HMGCS1: variants seen among roughly 807,000 people sequenced by gnomAD.
HMGCS1 encodes the protein hydroxymethylglutaryl-CoA synthase, cytoplasmic.
HMGCS1 carries 9 observed loss-of-function variants against 52.3 expected under a neutral mutation model. The observed-to-expected ratio is 0.17, with a 90% CI of 0.10 to 0.30. The LOEUF (loss-of-function observed/expected upper bound fraction) is 0.30, where lower values mean the gene tolerates loss of function less well. Ranked by LOEUF, HMGCS1 falls within the 10% of genes least tolerant of loss-of-function variation. The pLI is 1.00. For missense variants in HMGCS1, 320 were observed against 620.9 expected, an observed-to-expected ratio of 0.52 and a Z score of 5.15; for synonymous variants, 176 against 214.4, an observed-to-expected ratio of 0.82 and a Z score of 1.57.
At position 43,289,358 on chromosome 5, in the gene HMGCS1, T is replaced by C. The variant is rs957211062; in HGVS notation, c.*1773A>G. On this transcript the variant is annotated 3_prime_UTR_variant, in exon 11 of 11. Transcript: ENST00000325110. ...AATATTAGCTGATTTCTTGCCGAAG[T>C]TGTTAGTTCAAGAGTGAAAAAGAAT... The C allele has an allele frequency of 1.3e-5, 2 of 152,670 alleles. No homozygotes were observed. The highest frequency in any genetic ancestry group is 4.8e-5 in the African/African-American group (2 of 41,468). 9.5% of individuals were successfully genotyped at this position (152,670 alleles called of 1,614,324 possible).
In HMGCS1 at chr5:43,294,816, C is replaced by T. The variant is rs764183924; in HGVS notation, c.951G>A (p.Lys317=). The change falls in exon 7 of 11, where the codon AAG becomes AAA. Residue 317 remains lysine, a synonymous_variant. Coordinates refer to ENST00000325110, the MANE Select transcript of HMGCS1 (RefSeq NM_001098272.3). The part of the protein sequence containing the change: ...EDTYFDRDVE[K]AFMKASSELF... The stretch of plus-strand genomic sequence containing the variant: ...GTTCAGAGCTAGCCTTCATAAATGC[C>T]TTCTCCACATCTCTATCAAAGTAGG... The T allele has an allele frequency of 6.2e-7, 1 of 1,611,848 alleles. No individual in the cohort carries two copies. Among genetic ancestry groups the T allele is most frequent in the South Asian group, 1.1e-5 (1 of 90,962 alleles).
In HMGCS1 at chr5:43,288,518, G is replaced by A. The variant is rs1753594237; in HGVS notation, c.*2613C>T. On this transcript the variant is annotated 3_prime_UTR_variant, in exon 11 of 11. Coordinates refer to ENST00000325110, the MANE Select transcript of HMGCS1 (RefSeq NM_001098272.3). ...TGTCACAAGAGGACAGAAAGTGGCT[G>A]TTTGCATCTGTTTGGGTCTAGTGTC... is the stretch of plus-strand genomic sequence containing the variant. The A allele has an allele frequency of 1.3e-5, 2 of 152,102 alleles. No individual in the cohort carries two copies. Among genetic ancestry groups the A allele is most frequent in the African/African-American group, 4.8e-5 (2 of 41,408 alleles). The allele number at this position is 152,102 out of a possible 1,614,324, so 9.4% of individuals were successfully genotyped here.
At chr5:43,305,251 G>A (rs1754509747) in intron 2 of HMGCS1, among the ~76,000 whole-genome samples, 1 of 152,262 alleles carries the variant, frequency 6.6e-6, no homozygotes, top group Non-Finnish European at 1.5e-5. Flanking sequence ...CTCCCGAAGT[G>A]CTGGGATTAC....
intron 10 of HMGCS1, 45 bp from the exon 11 acceptor site, chr5:43,291,265 C>T (rs546242858): frequency 8.5e-7 from 1 of 1,171,284 alleles, no homozygotes; most frequent in African/African-American, 1.5e-5. Flanking sequence ...GATTCTTTCC[C>T]CCACAAGAAT....
At position 43,298,660 on chromosome 5, in the gene HMGCS1, CTT is replaced by C; in HGVS notation, c.304_305del (p.Lys102ValfsTer5). Reference sequence around the variant, plus strand: ...GCTGCATCAAATTAGTCTTCACAGACTTTGATTTGTCGATGATTGTCTCTGTT... The same window carrying C: ...GCTGCATCAAATTAGTCTTCACAGACTGATTTGTCGATGATTGTCTCTGTT... ...VGTETIIDKSKSVKTNLMQLF... is the reference protein window; with the variant it reads ...VGTETIIDKSXSVKTNLMQLF... On this transcript the variant is annotated frameshift_variant, in exon 3 of 11. Transcript: ENST00000325110. LOFTEE classifies it high-confidence loss of function. The surrounding 1 kb of genome is among the most constrained non-coding windows in gnomAD (Gnocchi z 5.6). 1 of 1,614,212 alleles carries C rather than the reference CTT, an allele frequency of 6.2e-7. No individual in the cohort carries two copies. The highest frequency in any genetic ancestry group is 8.5e-7 in the Non-Finnish European group (1 of 1,180,038).
chr5:43,312,821 T>C (rs923224354), intron 1 of HMGCS1, among the ~76,000 whole-genome samples: 2 of 152,194 alleles, frequency 1.3e-5, no homozygotes, highest in Non-Finnish European at 2.9e-5. Context: ...GCACCTGAGC[T>C]GAGGAAGAAA....
intron 8 of HMGCS1, 152 bp downstream of exon 8, chr5:43,293,904 G>C: frequency 1.8e-6 from 1 of 551,254 alleles, no homozygotes; most frequent in Admixed American, 3.0e-5. Context: ...AGTAGAGATG[G>C]GGTTTCAGCC....
intron 1 of HMGCS1, among the ~76,000 whole-genome samples, chr5:43,308,090 C>CA (rs1376277588): frequency 6.6e-6 from 1 of 151,812 alleles, no homozygotes; most frequent in African/African-American, 2.4e-5. Flanking sequence ...AAGGAATAAA[C>CA]AAAAAAACCT....
At chr5:43,304,659 CAT>C (rs1237446701) in intron 2 of HMGCS1, among the ~76,000 whole-genome samples, 3 of 152,148 alleles carry the variant, frequency 2.0e-5, no homozygotes, top group African/African-American at 7.2e-5. Context: ...AAATACATGA[CAT>C]GTTTCATTTG....
At chr5:43,307,117 C>A (rs1754617648) in intron 2 of HMGCS1, among the ~76,000 whole-genome samples, 1 of 143,878 alleles carries the variant, frequency 7.0e-6, no homozygotes. Flanking sequence ...GTTGCCCAGG[C>A]TGGAGTGCAG....
chr5:43,291,594 A>AGTAGTTTCAAGGTTATAAAGTCC, intron 10 of HMGCS1, among the ~76,000 whole-genome samples: 1 of 152,342 alleles, frequency 6.6e-6, no homozygotes, highest in Non-Finnish European at 1.5e-5. Flanking sequence ...CAGATAAATA[A>AGTAGTTTCAAGGTTATAAAGTCC]GTAGTTTCAA....
In HMGCS1 at chr5:43,295,883, A is replaced by G. The variant is rs146407795; in HGVS notation, c.774T>C (p.Phe258=). Residue 258 remains phenylalanine (F), a synonymous_variant, in exon 6 of 11, where the codon TTT becomes TTC. Transcript: ENST00000325110. ...GNDKDFTLND[F]GFMIFHSPYC... is the part of the protein sequence containing the mutation. The stretch of plus-strand genomic sequence containing the variant: ...ATGGTGAGTGAAAGATCATGAAGCC[A>G]AAATCATTCAAGGTAAAATCTTTAT... 1 of 1,612,602 alleles carries G rather than the reference A, an allele frequency of 6.2e-7. No individual in the cohort carries two copies. Among genetic ancestry groups the G allele is most frequent in the African/African-American group, 1.3e-5 (1 of 74,898 alleles).
chr5:43,306,003 T>C (rs1403642842), intron 2 of HMGCS1, among the ~76,000 whole-genome samples: 1 of 152,180 alleles, frequency 6.6e-6, no homozygotes, highest in Non-Finnish European at 1.5e-5. Context: ...ACACATTTTC[T>C]TTTTAAATTC....
At position 43,293,999 on chromosome 5, in the gene HMGCS1, G is replaced by A; in HGVS notation, c.1183+57C>T. The A allele has an allele frequency of 4.4e-6, 5 of 1,138,948 alleles. No individual in the cohort carries two copies. The South Asian group carries it at 6.2e-5, about 14-fold the overall frequency. The allele number at this position is 1,138,948 out of a possible 1,614,324, so 70.6% of individuals were successfully genotyped here. ...CAAACTGCTGGGATTACGGGTGTGA[G>A]CCACTGTGCCTGGACTCAGTTCTCA... is the stretch of plus-strand genomic sequence containing the variant. On this transcript the variant is annotated intron_variant, in intron 8 of 10. Coordinates refer to ENST00000325110, the MANE Select transcript of HMGCS1 (RefSeq NM_001098272.3).
intron 1 of HMGCS1, among the ~76,000 whole-genome samples, chr5:43,308,523 T>C (rs1306810124): frequency 6.6e-6 from 1 of 152,216 alleles, no homozygotes; most frequent in Non-Finnish European, 1.5e-5. Flanking sequence ...TATAAAGTGA[T>C]TTTCCCTCTT....
chr5:43,308,269 A>G (rs1014816320), intron 1 of HMGCS1, among the ~76,000 whole-genome samples: 1 of 152,336 alleles, frequency 6.6e-6, no homozygotes, highest in Admixed American at 6.5e-5. Context: ...CTTTGGCAGC[A>G]ATTCTGGACC....
intron 1 of HMGCS1, among the ~76,000 whole-genome samples, chr5:43,311,185 G>A (rs935772994): frequency 6.6e-6 from 1 of 152,012 alleles, no homozygotes; most frequent in East Asian, 1.9e-4. Flanking sequence ...AAATTAGCTG[G>A]GTGTGGTGGC....
chr5:43,294,228 TA>T (rs1226380472), intron 7 of HMGCS1, 66 bp from the exon 8 acceptor site: 11 of 971,330 alleles, frequency 1.1e-5, no homozygotes, highest in African/African-American at 9.8e-5. Context: ...TGGGAAGCTA[TA>T]AAAGTAGCAA....
chr5:43,312,797 G>A (rs1754938055), intron 1 of HMGCS1, among the ~76,000 whole-genome samples: 2 of 152,316 alleles, frequency 1.3e-5, no homozygotes, highest in Admixed American at 1.3e-4. Flanking sequence ...AATCACGGTT[G>A]TGAACGCTTT....
Sources: allele counts gnomAD v4.1 joint callset (sites outside exome capture counted in the v4.1 genomes callset), GRCh38; gene constraint gnomAD v4.1.1; non-coding constraint Gnocchi (gnomAD v3.1); transcripts MANE v1.5; gene names NCBI Gene and HGNC (gene_info 2026-07-23, HGNC 2026-07-21).